Variants in NUSAP1 observed in about 807,000 individuals in gnomAD.
NUSAP1 encodes the protein nucleolar and spindle-associated protein 1.
In NUSAP1, 32 loss-of-function variants were observed where a neutral mutation model predicts 52.8. That is an observed-to-expected ratio of 0.61 (90% confidence interval 0.46 to 0.81). NUSAP1 has a LOEUF of 0.81. Ranked by LOEUF, NUSAP1 falls within the 40% of genes least tolerant of loss-of-function variation. The probability of loss-of-function intolerance (pLI) is 0.00; values close to 1 mark genes in which losing one functional copy is unlikely to be tolerated. For synonymous variants in NUSAP1, 195 were observed against 183.1 expected, an observed-to-expected ratio of 1.06 and a Z score of -0.52; for missense variants, 499 against 522.3, an observed-to-expected ratio of 0.96 and a Z score of 0.43.
chr15:41,355,822 G>A (rs550085356), intron 4 of NUSAP1, among the ~76,000 whole-genome samples: 1 of 151,670 alleles, frequency 6.6e-6, no homozygotes, highest in Non-Finnish European at 1.5e-5. Context: ...GACTACAGGC[G>A]CCCACCACCA....
Position 41,358,214 on chromosome 15 carries a change from A to G in NUSAP1, c.616A>G (p.Lys206Glu), listed in dbSNP as rs773154411. ...MESIDQYIER[K>E]KKHFEEHNSM... is the part of the protein sequence containing the mutation. The stretch of plus-strand genomic sequence containing the variant: ...GTCCATTGATCAATATATTGAGAGA[A>G]AAAAGAAACATTTTGAAGAACACAA... Residue 206 changes from lysine (K) to glutamate (E), a missense_variant, in exon 6 of 11, where the codon AAA becomes GAA. Coordinates refer to ENST00000559596, the MANE Select transcript of NUSAP1 (RefSeq NM_016359.5). The G allele has an allele frequency of 1.9e-6, 3 of 1,577,002 alleles. No individual in the cohort carries two copies. Among genetic ancestry groups the G allele is most frequent in the Non-Finnish European group, 2.6e-6 (3 of 1,150,630 alleles).
Position 41,380,226 on chromosome 15 carries a change from C to A in NUSAP1, c.*40C>A. On this transcript the variant is annotated 3_prime_UTR_variant, in exon 11 of 11. Transcript: ENST00000559596. Reference sequence around the variant, plus strand: ...CTTGTAAATATTCCTGTATTCTCAACTTTTTTCCTTTTGTAAATTTTTTTT... The same window carrying A: ...CTTGTAAATATTCCTGTATTCTCAAATTTTTTCCTTTTGTAAATTTTTTTT... 7.1e-7 allele frequency: 1 copy of A among 1,406,772 alleles called. No homozygotes were observed. The highest frequency in any genetic ancestry group is 9.6e-7 in the Non-Finnish European group (1 of 1,041,538). The allele number at this position is 1,406,772 out of a possible 1,614,324, so 87.1% of individuals were successfully genotyped here.
At chr15:41,368,719 T>A (rs914848430) in intron 7 of NUSAP1, among the ~76,000 whole-genome samples, 2 of 147,066 alleles carry the variant, frequency 1.4e-5, no homozygotes, top group African/African-American at 5.0e-5. Flanking sequence ...TTGTATTTTT[T>A]ATTTTATTCT....
intron 1 of NUSAP1, among the ~76,000 whole-genome samples, chr15:41,336,743 T>G: frequency 7.1e-6 from 1 of 140,840 alleles, no homozygotes; most frequent in African/African-American, 2.7e-5. Flanking sequence ...ACCTCTCAGG[T>G]TCAAGACATC....
Position 41,351,034 on chromosome 15 carries a change from A to G in NUSAP1, c.353A>G (p.Asn118Ser). 1 of 1,613,592 alleles carries G rather than the reference A, an allele frequency of 6.2e-7. No individual in the cohort carries two copies. The highest frequency in any genetic ancestry group is 8.5e-7 in the Non-Finnish European group (1 of 1,179,638). The change falls in exon 4 of 11, where the codon AAT becomes AGT. Residue 118 changes from asparagine (N) to serine (S), a missense_variant. Physicochemically the swap from Asn to Ser is conservative, Grantham distance 46. Coordinates refer to ENST00000559596, the MANE Select transcript of NUSAP1 (RefSeq NM_016359.5). ...IKISNPTEFQ[N>S]HEKQESQDLR... ...ATAAGTAATCCCACTGAATTCCAGA[A>G]TCATGAAAAGCAGGAAAGCCAGGAT...
chr15:41,362,603 T>G (rs113228366), intron 6 of NUSAP1, among the ~76,000 whole-genome samples: 53,826 of 150,650 alleles, frequency 0.36, 10,212 homozygotes, highest in African/African-American at 0.49. Flanking sequence ...TTTTTTTTTT[T>G]GTATTTTTAG....
At chr15:41,350,868 A>C in intron 3 of NUSAP1, 120 bp from the exon 4 acceptor site, 2 of 835,010 alleles carry the variant, frequency 2.4e-6, no homozygotes, top group Non-Finnish European at 3.6e-6. Context: ...GCCACCAAAA[A>C]TCTCATTCTC....
At chr15:41,362,808 C>G (rs1282601594) in intron 6 of NUSAP1, among the ~76,000 whole-genome samples, 1 of 152,076 alleles carries the variant, frequency 6.6e-6, no homozygotes, top group Admixed American at 6.6e-5. Context: ...TTATCCAACT[C>G]TTCCTTTTAA....
Position 41,349,126 on chromosome 15 carries a change from G to A in NUSAP1, c.191G>A (p.Cys64Tyr). 6.2e-7 allele frequency: 1 copy of A among 1,613,884 alleles called. No homozygotes were observed. Among genetic ancestry groups the A allele is most frequent in the Non-Finnish European group, 8.5e-7 (1 of 1,179,820 alleles). The change falls in exon 3 of 11, where the codon TGT (cysteine) becomes TAT (tyrosine). Residue 64 changes from cysteine to tyrosine, a missense_variant. Coordinates refer to ENST00000559596, the MANE Select transcript of NUSAP1 (RefSeq NM_016359.5). ...QDESQTSASS[C>Y]DETEIQISNQ... ...GAAAGTCAAACTTCTGCATCCTCTT[G>A]TGATGAGACTGAGATACAGATCAGC... is the stretch of plus-strand genomic sequence containing the variant.
At chr15:41,377,727 A>G (rs113832688) in intron 10 of NUSAP1, among the ~76,000 whole-genome samples, 65 of 121,612 alleles carry the variant, frequency 5.3e-4, no homozygotes, top group Middle Eastern at 6.8e-3. Context: ...ATCATGGGCC[A>G]GGCACGGTGG....
At chr15:41,354,988 C>T (rs915102245) in intron 4 of NUSAP1, among the ~76,000 whole-genome samples, 2 of 150,776 alleles carry the variant, frequency 1.3e-5, no homozygotes, top group Non-Finnish European at 3.0e-5. Flanking sequence ...CCACTGCACT[C>T]CAGCCTGGGC....
chr15:41,338,691 C>T (rs531850009), intron 1 of NUSAP1, among the ~76,000 whole-genome samples: 7 of 152,252 alleles, frequency 4.6e-5, no homozygotes, highest in African/African-American at 1.7e-4. Flanking sequence ...CGCAGTGGCT[C>T]ATACCTGTAA....
chr15:41,350,685 T>G (rs1483459986), intron 3 of NUSAP1, among the ~76,000 whole-genome samples: 1 of 152,184 alleles, frequency 6.6e-6, no homozygotes, highest in Non-Finnish European at 1.5e-5. Context: ...TTATTATTAT[T>G]TAAATTTCTG....
intron 6 of NUSAP1, 107 bp from the exon 7 acceptor site, chr15:41,365,295 T>C (rs2049348924): frequency 1.1e-6 from 1 of 878,646 alleles, no homozygotes; most frequent in Admixed American, 2.8e-5. Context: ...TAGCTGGGAC[T>C]ATAGGCACAT....
chr15:41,359,309 AT>A (rs2049083039), intron 6 of NUSAP1, among the ~76,000 whole-genome samples: 1 of 152,088 alleles, frequency 6.6e-6, no homozygotes, highest in Non-Finnish European at 1.5e-5. Flanking sequence ...CCCCATGTTT[AT>A]TTTACATAAC....
Position 41,335,534 on chromosome 15 carries a change from A to G in NUSAP1, c.93+2484A>G. On this transcript the variant is annotated intron_variant, in intron 1 of 10. Transcript: ENST00000559596. ...AGATATACTATATACTAAATATACT[A>G]TATATACTAATATGTATACTAAATA... 1.5e-5 allele frequency among the ~76,000 whole-genome samples: 2 copies of G among 137,804 alleles called. 1 individual carries two copies. The highest frequency in any genetic ancestry group is 4.6e-4 in the South Asian group (2 of 4,370). 90.4% of individuals were successfully genotyped at this position (137,804 alleles called of 152,430 possible).
Position 41,347,745 on chromosome 15 carries a change from T to A in NUSAP1, c.163-1353T>A, listed in dbSNP as rs144957181. 4.7e-4 allele frequency among the ~76,000 whole-genome samples: 69 copies of A among 145,792 alleles called. 2 individuals carry two copies. In the East Asian group the frequency reaches 0.013, roughly 29 times the overall value. ...AGGAGAATGGCATGAACCCAGGAGG[T>A]GGAGCTTGCAGTGAGCCAAGATCAT... On this transcript the variant is annotated intron_variant, in intron 2 of 10. Coordinates refer to ENST00000559596, the MANE Select transcript of NUSAP1 (RefSeq NM_016359.5).
chr15:41,358,190 T>C lies in NUSAP1; in HGVS notation c.592T>C (p.Ser198Pro), dbSNP rs769779421. ...TGAAGCTCATTTTAAGGAAATGGAGTCCATTGATCAATATATTGAGAGAAA... is the reference window on the plus strand; with the variant it reads ...TGAAGCTCATTTTAAGGAAATGGAGCCCATTGATCAATATATTGAGAGAAA... ...LHEAHFKEME[S>P]IDQYIERKKK... is the part of the protein sequence containing the mutation. Residue 198 changes from serine (S) to proline (P), a missense_variant, in exon 6 of 11, where the codon TCC (serine) becomes CCC (proline). Coordinates refer to ENST00000559596, the MANE Select transcript of NUSAP1 (RefSeq NM_016359.5). 6.3e-7 allele frequency: 1 copy of C among 1,576,418 alleles called. No individual in the cohort carries two copies.
intron 1 of NUSAP1, among the ~76,000 whole-genome samples, chr15:41,339,915 C>T (rs1462225135): frequency 6.6e-6 from 1 of 151,910 alleles, no homozygotes; most frequent in Non-Finnish European, 1.5e-5. Context: ...CTGAGTAGCT[C>T]AGACTACAGG....
Sources: allele counts gnomAD v4.1 joint callset (sites outside exome capture counted in the v4.1 genomes callset), GRCh38; gene constraint gnomAD v4.1.1; transcripts MANE v1.5; gene names NCBI Gene and HGNC (gene_info 2026-07-23, HGNC 2026-07-21).